TDRD5: variants seen among roughly 807,000 people sequenced by gnomAD.
TDRD5 encodes tudor domain-containing protein 5.
TDRD5 carries 41 observed loss-of-function variants against 120.6 expected under a neutral mutation model. The ratio of observed to expected loss-of-function variants is 0.34; its 90% CI spans 0.26 to 0.44. The LOEUF is 0.44. Ranked by LOEUF, TDRD5 falls within the 20% of genes least tolerant of loss-of-function variation. TDRD5 has a pLI of 1.00. For missense variants in TDRD5, 1,006 were observed against 1,221.2 expected, an observed-to-expected ratio of 0.82 and a Z score of 2.63; for synonymous variants, 430 against 433.7, an observed-to-expected ratio of 0.99 and a Z score of 0.11.
rs1679341995 is a variant in TDRD5 at position 179,662,112 on chromosome 1, C to T, written c.2331C>T (p.Ile777=). 1.3e-6 allele frequency: 2 copies of T among 1,558,606 alleles called. No individual in the cohort carries two copies. Among genetic ancestry groups the T allele is most frequent in the Middle Eastern group, 1.7e-4 (1 of 5,900 alleles). Residue 777 remains isoleucine (I), a synonymous_variant, in exon 15 of 18, where the codon ATC becomes ATT. Transcript: ENST00000444136. ...NDLKEENEDE[I]PTGMPCLESV... is the part of the protein sequence containing the mutation. ...CTTCTGTTACATTTTAGGATGAGAT[C>T]CCCACTGGAATGCCATGCCTGGAGT...
intron 17 of TDRD5, among the ~76,000 whole-genome samples, chr1:179,672,940 G>C (rs1378628710): frequency 6.6e-6 from 1 of 152,064 alleles, no homozygotes; most frequent in Non-Finnish European, 1.5e-5. Context: ...TCCCTATTCT[G>C]TTCCATTGGT....
In TDRD5 at chr1:179,651,079, T is replaced by C. The variant is rs1052306444; in HGVS notation, c.2001+12T>C. ...ATATCTCTTCTAAGGTGGAGCAGTCTGGATGTATTTTGTAATATATTTTGT... is the reference window on the plus strand; with the variant it reads ...ATATCTCTTCTAAGGTGGAGCAGTCCGGATGTATTTTGTAATATATTTTGT... On this transcript the variant is annotated intron_variant, in intron 12 of 17. Transcript: ENST00000444136. 5.0e-6 allele frequency: 8 copies of C among 1,613,010 alleles called. No individual in the cohort carries two copies. The highest frequency in any genetic ancestry group is 5.1e-6 in the Non-Finnish European group (6 of 1,179,520).
At chr1:179,669,841 G>C (rs574392870) in intron 17 of TDRD5, among the ~76,000 whole-genome samples, 11 of 152,272 alleles carry the variant, frequency 7.2e-5, no homozygotes, top group African/African-American at 2.6e-4. Flanking sequence ...ATGGAATTAT[G>C]TGTAGTTTTT....
At position 179,605,882 on chromosome 1, in the gene TDRD5, C is replaced by T. The variant is rs1306114418; in HGVS notation, c.831+10064C>T. Among the ~76,000 whole-genome samples the T allele has an allele frequency of 9.2e-5, 14 of 152,202 alleles. No individual in the cohort carries two copies. The East Asian group carries it at 2.3e-3, about 25-fold the overall frequency. The stretch of plus-strand genomic sequence containing the variant: ...GTACTGAAGGACGTCTTGCTTGTTT[C>T]CTCATAAAGTTGCTATAAACGTGTG... On this transcript the variant is annotated intron_variant, in intron 4 of 17. Coordinates refer to ENST00000444136, the MANE Select transcript of TDRD5 (RefSeq NM_001199085.3).
intron 17 of TDRD5, among the ~76,000 whole-genome samples, chr1:179,683,179 CG>C (rs1396805101): frequency 1.3e-5 from 2 of 152,184 alleles, no homozygotes; most frequent in Non-Finnish European, 2.9e-5. Context: ...AAATTCTTTT[CG>C]GGCAGTGAGC....
intron 5 of TDRD5, among the ~76,000 whole-genome samples, 184 bp downstream of exon 5, chr1:179,618,866 A>G (rs1282935230): frequency 1.3e-5 from 2 of 152,166 alleles, no homozygotes; most frequent in Non-Finnish European, 2.9e-5. Context: ...TTTTAACATA[A>G]AACTATTTAG....
intron 11 of TDRD5, among the ~76,000 whole-genome samples, chr1:179,641,735 G>A (rs1678060349): frequency 6.6e-6 from 1 of 152,042 alleles, no homozygotes; most frequent in African/African-American, 2.4e-5. Flanking sequence ...TAGCATTATA[G>A]CATAAGTACT....
chr1:179,672,808 A>G (rs1048765534), intron 17 of TDRD5, among the ~76,000 whole-genome samples: 3 of 152,146 alleles, frequency 2.0e-5, no homozygotes, highest in Admixed American at 6.6e-5. Context: ...TCATTTTTCT[A>G]CATGTGGCTT....
At chr1:179,613,721 C>T (rs1676407202) in intron 4 of TDRD5, among the ~76,000 whole-genome samples, 1 of 152,150 alleles carries the variant, frequency 6.6e-6, no homozygotes, top group Admixed American at 6.5e-5. Flanking sequence ...TTCATGGGGG[C>T]CTTTCCCTCA....
intron 14 of TDRD5, among the ~76,000 whole-genome samples, chr1:179,657,666 T>G (rs1679076150): frequency 6.6e-6 from 1 of 152,314 alleles, no homozygotes; most frequent in East Asian, 1.9e-4. Context: ...TGGGAAAGAT[T>G]ATGTAGAATT....
At chr1:179,645,284 A>G (rs892118503) in intron 11 of TDRD5, among the ~76,000 whole-genome samples, 4 of 150,650 alleles carry the variant, frequency 2.7e-5, no homozygotes, top group African/African-American at 9.7e-5. Context: ...ACGGGGTTTC[A>G]CCGTTTTAGC....
chr1:179,685,003 A>G (rs548215359), intron 17 of TDRD5, among the ~76,000 whole-genome samples: 80 of 152,146 alleles, frequency 5.3e-4, no homozygotes, highest in African/African-American at 1.9e-3. Context: ...TTGCCTGTTC[A>G]CTCTAATGGT....
In TDRD5 at chr1:179,690,710, G is replaced by T; in HGVS notation, c.2875G>T (p.Glu959Ter). The T allele has an allele frequency of 1.2e-6, 2 of 1,613,814 alleles. No homozygotes were observed. The highest frequency in any genetic ancestry group is 1.1e-5 in the South Asian group (1 of 91,050). Reference protein sequence around the residue: ...KPSGSVESSPEILKNEDFSSS... With the variant: ...KPSGSVESSP Reference sequence around the variant, plus strand: ...TTCTTTTCCAGTGGAAAGCTCACCAGAGATCCTAAAGAATGAAGATTTTTC... The same window carrying T: ...TTCTTTTCCAGTGGAAAGCTCACCATAGATCCTAAAGAATGAAGATTTTTC... The change falls in exon 18 of 18, where the codon GAG becomes TAG. Residue 959 changes from glutamate (E) to a stop codon, truncating the protein, a stop_gained. Coordinates refer to ENST00000444136, the MANE Select transcript of TDRD5 (RefSeq NM_001199085.3). LOFTEE classifies it high-confidence loss of function.
intron 4 of TDRD5, among the ~76,000 whole-genome samples, chr1:179,614,256 G>A (rs12040068): frequency 6.6e-6 from 1 of 152,060 alleles, no homozygotes; most frequent in African/African-American, 2.4e-5. Flanking sequence ...TATGCATTGC[G>A]AATGTGCCAC....
chr1:179,624,921 C>T (rs908306571), intron 6 of TDRD5, among the ~76,000 whole-genome samples: 4 of 151,938 alleles, frequency 2.6e-5, no homozygotes, highest in Non-Finnish European at 5.9e-5. Context: ...AGGAGATCCA[C>T]CCATATACAC....
rs565186694 is a variant in TDRD5, at chr1:179,615,511, G to T, written c.832-3088G>T. Among the ~76,000 whole-genome samples the T allele has an allele frequency of 2.7e-4, 41 of 152,118 alleles. No homozygotes were observed. In the South Asian group the frequency reaches 5.2e-3, roughly 19 times the overall value. On this transcript the variant is annotated intron_variant, in intron 4 of 17. Transcript: ENST00000444136. ...TCCTATAAGCTCCTATCTGAATATA[G>T]CATATTTTATCACTTTCCATCTTCA...
At chr1:179,665,874 G>T (rs1281253085) in intron 16 of TDRD5, among the ~76,000 whole-genome samples, 2 of 151,922 alleles carry the variant, frequency 1.3e-5, no homozygotes, top group African/African-American at 4.8e-5. Flanking sequence ...TATTCAAAAG[G>T]CTTGGGACTG....
intron 4 of TDRD5, among the ~76,000 whole-genome samples, chr1:179,605,547 G>T (rs1323040186): frequency 6.6e-6 from 1 of 152,092 alleles, no homozygotes; most frequent in Non-Finnish European, 1.5e-5. Context: ...AATATGTAAT[G>T]ACATATATCC....
chr1:179,617,808 A>C (rs1190965804), intron 4 of TDRD5, among the ~76,000 whole-genome samples: 1 of 152,076 alleles, frequency 6.6e-6, no homozygotes, highest in Non-Finnish European at 1.5e-5. Flanking sequence ...ATTCCCATGC[A>C]TGATCATTTT....
Sources: gnomAD v4.1 joint callset for allele counts (sites outside exome capture counted in the v4.1 genomes callset) on GRCh38, gnomAD v4.1.1 for gene constraint, MANE v1.5 for transcripts, NCBI Gene and HGNC (gene_info 2026-07-23, HGNC 2026-07-21) for gene names.